Variants in NOP14 observed in about 807,000 individuals in gnomAD.
The protein encoded by NOP14 is NOP14 nucleolar protein.
A neutral mutation model predicts 101.6 loss-of-function variants in NOP14; 57 were observed. The ratio of observed to expected loss-of-function variants is 0.56; its 90% CI spans 0.45 to 0.70. NOP14 has a LOEUF of 0.70. Among genes scored for constraint, NOP14 ranks in the 30% least tolerant of loss-of-function variants. The pLI, the probability that NOP14 is intolerant of heterozygous loss-of-function variation, is 0.00. For synonymous variants in NOP14, 428 were observed against 424.0 expected, an observed-to-expected ratio of 1.01 and a Z score of -0.12; for missense variants, 1,134 against 1,075.5, an observed-to-expected ratio of 1.05 and a Z score of -0.76.
intron 12 of NOP14, 141 bp from the exon 13 acceptor site, chr4:2,944,367 CGA>C (rs1714451480): frequency 1.8e-6 from 1 of 553,990 alleles, no homozygotes; most frequent in African/African-American, 1.9e-5. Flanking sequence ...ATAGCAGTGT[CGA>C]GAGCATCAAA....
At chr4:2,961,956 A>G (rs760080475) in intron 1 of NOP14, among the ~76,000 whole-genome samples, 4 of 152,326 alleles carry the variant, frequency 2.6e-5, no homozygotes, top group Non-Finnish European at 2.9e-5. Flanking sequence ...TTTGGGTTAC[A>G]TAGCTTGGGT....
chr4:2,945,856 C>A (rs940971037), intron 11 of NOP14, among the ~76,000 whole-genome samples: 1 of 152,240 alleles, frequency 6.6e-6, no homozygotes, highest in African/African-American at 2.4e-5. Context: ...GCACGACCCA[C>A]ACGTTAGTCC....
At position 2,938,206 on chromosome 4, in the gene NOP14, A is replaced by G; in HGVS notation, c.*625T>C. On this transcript the variant is annotated 3_prime_UTR_variant, in exon 18 of 18. Coordinates refer to ENST00000416614, the MANE Select transcript of NOP14 (RefSeq NM_001291978.2). ...GGGGGGAGCTGGAGGTTGGAATCAC[A>G]CCAACATTATAGCATTATTACTCTA... is the stretch of plus-strand genomic sequence containing the variant. 1 of 1,289,058 alleles carries G rather than the reference A, an allele frequency of 7.8e-7. No homozygotes were observed. The allele number at this position is 1,289,058 out of a possible 1,614,324, so 79.9% of individuals were successfully genotyped here. A position where few individuals can be genotyped will look rare whatever the true frequency, so the allele number is the denominator to read the frequency against.
At chr4:2,960,852 A>G in intron 1 of NOP14, among the ~76,000 whole-genome samples, 1 of 117,302 alleles carries the variant, frequency 8.5e-6, no homozygotes, top group South Asian at 2.3e-4. Flanking sequence ...TAATCACATT[A>G]TCAATATATT....
chr4:2,939,734 G>T, intron 15 of NOP14, 89 bp from the exon 16 acceptor site: 2 of 981,850 alleles, frequency 2.0e-6, no homozygotes, highest in Non-Finnish European at 3.3e-6. Flanking sequence ...TCAAGGCAGC[G>T]TGAGGACAGT....
At chr4:2,940,214 G>A (rs1044962780) in intron 15 of NOP14, 1 of 154,122 alleles carries the variant, frequency 6.5e-6, no homozygotes, top group Non-Finnish European at 1.4e-5. Context: ...CAAGACCTTG[G>A]CTTCCAGAAG....
intron 5 of NOP14, 109 bp from the exon 6 acceptor site, chr4:2,952,506 T>C: frequency 1.0e-6 from 1 of 999,714 alleles, no homozygotes; most frequent in Non-Finnish European, 1.4e-6. Context: ...TAGATAATGT[T>C]ATTGAAGTAG....
chr4:2,950,399 G>A (rs960828451), intron 7 of NOP14, 186 bp from the exon 8 acceptor site: 15 of 626,152 alleles, frequency 2.4e-5, no homozygotes, highest in South Asian at 2.2e-4. Flanking sequence ...TAGGCTATTC[G>A]AGCCGCAGGA....
At chr4:2,961,808 C>T (rs1715954549) in intron 1 of NOP14, 1 of 152,202 alleles carries the variant, frequency 6.6e-6, no homozygotes, top group Non-Finnish European at 1.5e-5. Context: ...TTGATTTCTT[C>T]AAATATTTGT....
chr4:2,944,603 C>G (rs555262058), intron 12 of NOP14, among the ~76,000 whole-genome samples: 15 of 152,118 alleles, frequency 9.9e-5, no homozygotes, highest in Non-Finnish European at 2.1e-4. Flanking sequence ...GACGGGGTTT[C>G]GCCATGTTGG....
At chr4:2,953,790 A>G in intron 4 of NOP14, 145 bp from the exon 5 acceptor site, 1 of 864,020 alleles carries the variant, frequency 1.2e-6, no homozygotes, top group South Asian at 1.7e-5. Context: ...AGGAGAAATG[A>G]GTATTTTAAA....
Position 2,956,655 on chromosome 4 carries a change from G to T in NOP14, c.472+15C>A. The stretch of plus-strand genomic sequence containing the variant: ...CTCCACGCCCACAGGCCCGTGCACA[G>T]CACCCCAGCCTCACCAGACAACGTT... On this transcript the variant is annotated intron_variant, in intron 3 of 17. Coordinates refer to ENST00000416614, the MANE Select transcript of NOP14 (RefSeq NM_001291978.2). 3 of 1,606,684 alleles carry T rather than the reference G, an allele frequency of 1.9e-6. No individual in the cohort carries two copies. The highest frequency in any genetic ancestry group is 2.5e-6 in the Non-Finnish European group (3 of 1,177,746).
At chr4:2,942,751 G>C (rs868634959) in intron 13 of NOP14, among the ~76,000 whole-genome samples, 3 of 152,230 alleles carry the variant, frequency 2.0e-5, no homozygotes, top group Admixed American at 2.0e-4. Flanking sequence ...AAAGGAAAGT[G>C]GAGGGGCAGG....
intron 3 of NOP14, among the ~76,000 whole-genome samples, chr4:2,955,710 C>A (rs899722092): frequency 2.0e-5 from 3 of 152,262 alleles, no homozygotes; most frequent in African/African-American, 2.4e-5. Context: ...TAAGGGTCCA[C>A]GAGAAGTCTT....
intron 10 of NOP14, chr4:2,947,145 C>A: frequency 3.7e-6 from 1 of 272,810 alleles, no homozygotes; most frequent in Non-Finnish European, 6.9e-6. Flanking sequence ...GCATGCAAAG[C>A]CACCCAACTG....
chr4:2,955,432 GC>G (rs1443420656), intron 3 of NOP14, among the ~76,000 whole-genome samples: 1 of 113,162 alleles, frequency 8.8e-6, no homozygotes, highest in African/African-American at 3.4e-5. Flanking sequence ...GCACCACGGC[GC>G]CCTCTAGTCA....
chr4:2,950,007 A>T lies in NOP14; in HGVS notation c.1209T>A (p.Pro403=). 1 of 1,614,062 alleles carries T rather than the reference A, an allele frequency of 6.2e-7. No individual in the cohort carries two copies. The change falls in exon 8 of 18, where the codon CCT becomes CCA. Residue 403 remains proline (P), a synonymous_variant. Transcript: ENST00000416614. ...CCTTGCCGCTTATCAACCCTTTCCC[A>T]GGAGTCTGCCTCTGCTCTTTTGCTG... The part of the protein sequence containing the change: ...EKPAKEQRQT[P]GKGLISGKER...
In NOP14 at chr4:2,941,592, T is replaced by C. The variant is rs1394208762; in HGVS notation, c.2189A>G (p.Gln730Arg). The change falls in exon 15 of 18, where the codon CAG becomes CGG. Residue 730 changes from glutamine (Q) to arginine (R), a missense_variant. Coordinates refer to ENST00000416614, the MANE Select transcript of NOP14 (RefSeq NM_001291978.2). The part of the protein sequence containing the change: ...TDHLADCSHP[Q>R]ELQELCQSTL... ...GCCGGGAAGCCTCACCTGGAGCTCC[T>C]GCGGGTGGCTGCAGTCCGCCAGGTG... 3.1e-6 allele frequency: 5 copies of C among 1,612,110 alleles called. No individual in the cohort carries two copies. The highest frequency in any genetic ancestry group is 1.1e-5 in the South Asian group (1 of 90,738).
At chr4:2,945,029 A>G in intron 12 of NOP14, 99 bp downstream of exon 12, 1 of 812,486 alleles carries the variant, frequency 1.2e-6, no homozygotes, top group South Asian at 1.6e-5. Flanking sequence ...TGCAGCCCTT[A>G]AACAGCCACA....
Sources: allele counts gnomAD v4.1 joint callset (sites outside exome capture counted in the v4.1 genomes callset), GRCh38; gene constraint gnomAD v4.1.1; transcripts MANE v1.5; gene names NCBI Gene and HGNC (gene_info 2026-07-23, HGNC 2026-07-21).